Variants in RHOBTB1 observed in about 807,000 individuals in gnomAD.
RHOBTB1 encodes the protein Rho related BTB domain containing 1.
Under a neutral mutation model 71.6 loss-of-function variants are expected in RHOBTB1, and 40 were observed. That is an observed-to-expected ratio of 0.56 (90% CI 0.43 to 0.73). The LOEUF is 0.73. RHOBTB1 is among the 30% of genes least tolerant of loss of function. RHOBTB1 has a pLI of 0.00. For synonymous variants in RHOBTB1, 319 were observed against 334.9 expected (o/e 0.95, Z 0.52); for missense variants, 797 against 894.0 (o/e 0.89, Z 1.38).
intron 1 of RHOBTB1, among the ~76,000 whole-genome samples, chr10:60,999,231 A>G (rs1472606281): frequency 2.0e-5 from 3 of 152,160 alleles, no homozygotes; most frequent in African/African-American, 7.2e-5. Context: ...GCAACTGCGC[A>G]TCCAAATTTT....
downstream of RHOBTB1, among the ~76,000 whole-genome samples, chr10:60,866,604 T>C (rs1162344358): frequency 6.6e-6 from 1 of 152,056 alleles, no homozygotes; most frequent in African/African-American, 2.4e-5. Flanking sequence ...AAAAAATGAT[T>C]GGGAGCAATG....
chr10:60,960,257 T>C (rs7085867), intron 2 of RHOBTB1, among the ~76,000 whole-genome samples: 77,752 of 152,064 alleles, frequency 0.51, 20,217 homozygotes, highest in East Asian at 0.77. Flanking sequence ...AAAAATCTAA[T>C]TAAATGATGC....
intron 5 of RHOBTB1, among the ~76,000 whole-genome samples, chr10:60,890,737 G>T (rs140919011): frequency 6.6e-6 from 1 of 152,304 alleles, no homozygotes; most frequent in Non-Finnish European, 1.5e-5. Context: ...TGGATTTGAC[G>T]ACTTAGATGA....
intron 2 of RHOBTB1, among the ~76,000 whole-genome samples, chr10:60,923,725 TG>T (rs2083698496): frequency 6.6e-6 from 1 of 152,052 alleles, no homozygotes; most frequent in Non-Finnish European, 1.5e-5. Context: ...ATCATGGGGG[TG>T]GTTTACTCCA....
chr10:60,938,536 T>C lies in RHOBTB1; in HGVS notation c.-11+3268A>G, dbSNP rs987321736. Among the ~76,000 whole-genome samples the C allele has an allele frequency of 5.9e-5, 9 of 152,318 alleles. No individual in the cohort carries two copies. The South Asian group carries it at 6.2e-4, about 11-fold the overall frequency. On this transcript the variant is annotated intron_variant, in intron 2 of 10. Coordinates refer to ENST00000337910, the MANE Select transcript of RHOBTB1 (RefSeq NM_014836.5). ...CTCTCTATGACTCAACTGTTTAAGA[T>C]TGTGACAACTTCCATCAAAATACAT...
At chr10:60,979,637 A>G (rs916960020) in intron 2 of RHOBTB1, among the ~76,000 whole-genome samples, 19 of 152,228 alleles carry the variant, frequency 1.2e-4, no homozygotes, top group African/African-American at 4.1e-4. Flanking sequence ...AAAGTCAACA[A>G]CAATCATTGC....
chr10:60,884,625 C>T (rs74832048), intron 7 of RHOBTB1, among the ~76,000 whole-genome samples: 4 of 152,082 alleles, frequency 2.6e-5, no homozygotes, highest in African/African-American at 7.2e-5. Context: ...AAATGTGGTA[C>T]TTATACACAA....
intron 5 of RHOBTB1, among the ~76,000 whole-genome samples, chr10:60,890,853 A>AATTTACC (rs2081882164): frequency 6.6e-6 from 1 of 152,214 alleles, no homozygotes; most frequent in Non-Finnish European, 1.5e-5. Context: ...CTTGTTCTTA[A>AATTTACC]GACTGACTTG....
upstream of RHOBTB1, among the ~76,000 whole-genome samples, chr10:60,946,185 A>C (rs1011326735): frequency 1.2e-4 from 18 of 152,000 alleles, no homozygotes; most frequent in Non-Finnish European, 2.2e-4. Context: ...CTCAGAAAAA[A>C]AAAAAACAAA....
At chr10:60,864,343 T>G in the RHOBTB1 span, among the ~76,000 whole-genome samples, 2 of 152,194 alleles carry the variant, frequency 1.3e-5, no homozygotes, top group Non-Finnish European at 1.5e-5. Flanking sequence ...TTATTATTAT[T>G]ATGATGAGTC....
intron 1 of RHOBTB1, among the ~76,000 whole-genome samples, chr10:60,942,859 A>ATTTTTT (rs11414207): frequency 6.7e-6 from 1 of 148,316 alleles, no homozygotes. Flanking sequence ...CGATAACGGT[A>ATTTTTT]TTTTTTTTTT....
chr10:60,930,876 C>A, intron 2 of RHOBTB1, among the ~76,000 whole-genome samples: 1 of 152,022 alleles, frequency 6.6e-6, no homozygotes, highest in Admixed American at 6.6e-5. Flanking sequence ...ATCCATTATT[C>A]CCTCCGACAA....
intron 2 of RHOBTB1, among the ~76,000 whole-genome samples, chr10:60,922,280 G>A (rs775340136): frequency 2.6e-5 from 4 of 152,130 alleles, no homozygotes; most frequent in Non-Finnish European, 5.9e-5. Context: ...TTGAATAAAC[G>A]AGTTCACTCT....
rs578186984 is a variant in RHOBTB1 at position 60,878,072 on chromosome 10, C to A, written c.1576-14G>T. On this transcript the variant is annotated splice_polypyrimidine_tract_variant and intron_variant, in intron 7 of 10. Transcript: ENST00000337910. ...CGGGAGATACACCTGAAATGTTATACAAAAAGCTAAATTCTGCTGCAGAAA... is the reference window on the plus strand; with the variant it reads ...CGGGAGATACACCTGAAATGTTATAAAAAAAGCTAAATTCTGCTGCAGAAA... 5 of 1,605,052 alleles carry A rather than the reference C, an allele frequency of 3.1e-6. No individual in the cohort carries two copies. The South Asian group carries it at 4.5e-5, about 14-fold the overall frequency.
chr10:60,997,453 T>C (rs2135038724), intron 1 of RHOBTB1, among the ~76,000 whole-genome samples: 1 of 152,352 alleles, frequency 6.6e-6, no homozygotes, highest in African/African-American at 2.4e-5. Flanking sequence ...CTTTAAGAAC[T>C]GTTTGTTTAT....
At chr10:60,865,159 A>G (rs138595853), downstream of RHOBTB1, among the ~76,000 whole-genome samples, 328 of 152,326 alleles carry the variant, frequency 2.2e-3, 4 homozygotes, top group East Asian at 1.2e-3. Flanking sequence ...GGGACAGGAA[A>G]CTAGGAGATA....
chr10:60,928,568 A>C (rs2084031110), intron 2 of RHOBTB1, among the ~76,000 whole-genome samples: 1 of 151,906 alleles, frequency 6.6e-6, no homozygotes, highest in Non-Finnish European at 1.5e-5. Context: ...GAGCTCCAAA[A>C]AATTTGAGCT....
downstream of RHOBTB1, among the ~76,000 whole-genome samples, chr10:60,865,088 T>C (rs2080631051): frequency 6.6e-6 from 1 of 152,172 alleles, no homozygotes; most frequent in Non-Finnish European, 1.5e-5. Context: ...GGAGAGGGGC[T>C]GAGAGAGAAA....
chr10:60,916,240 C>A (rs186634647), intron 2 of RHOBTB1, among the ~76,000 whole-genome samples: 5 of 152,266 alleles, frequency 3.3e-5, no homozygotes, highest in Non-Finnish European at 4.4e-5. Flanking sequence ...GCCACAAATC[C>A]GCCATGTGAG....
Sources: gnomAD v4.1 joint callset for allele counts (sites outside exome capture counted in the v4.1 genomes callset) on GRCh38, gnomAD v4.1.1 for gene constraint, MANE v1.5 for transcripts, NCBI Gene and HGNC (gene_info 2026-07-23, HGNC 2026-07-21) for gene names.